The following VPS53 variants were observed in gnomAD, a reference collection of about 807,000 sequenced individuals.
The protein encoded by VPS53 is VPS53 subunit of GARP complex.
Under a neutral mutation model 107.0 loss-of-function variants are expected in VPS53, and 70 were observed. The observed-to-expected ratio is 0.65, with a 90% CI of 0.54 to 0.80. VPS53 has a LOEUF of 0.80. VPS53 is among the 30% of genes least tolerant of loss of function. The pLI is 0.00. For missense variants in VPS53, 917 were observed against 1,049.4 expected (o/e 0.87, Z 1.74); for synonymous variants, 409 against 393.3 (o/e 1.04, Z -0.47).
intron 4 of VPS53, among the ~76,000 whole-genome samples, chr17:668,884 A>C (rs1971816417): frequency 1.3e-5 from 2 of 152,186 alleles, no homozygotes; most frequent in African/African-American, 4.8e-5. Flanking sequence ...TCTCTGCTGA[A>C]GGTATCGCTT....
Position 519,359 on chromosome 17 carries a change from C to A in VPS53, c.2329-61G>T, listed in dbSNP as rs1440667468. 2.1e-6 allele frequency: 3 copies of A among 1,424,648 alleles called. No individual in the cohort carries two copies. Among genetic ancestry groups the A allele is most frequent in the Non-Finnish European group, 2.8e-6 (3 of 1,084,140 alleles). The allele number at this position is 1,424,648 out of a possible 1,614,324, so 88.3% of individuals were successfully genotyped here. A position where few individuals can be genotyped will look rare whatever the true frequency, so the allele number is the denominator to read the frequency against. On this transcript the variant is annotated intron_variant, in intron 21 of 21. Transcript: ENST00000437048. The surrounding 1 kb of genome is among the most constrained non-coding windows in gnomAD (Gnocchi z 5.0). ...CTGGGCCAGAATGGCCCACGGGGGACAGCGCAGTATCTGGATATGGGGTCA... is the reference window on the plus strand; with the variant it reads ...CTGGGCCAGAATGGCCCACGGGGGAAAGCGCAGTATCTGGATATGGGGTCA...
At chr17:611,143 A>G (rs1002936260) in intron 11 of VPS53, among the ~76,000 whole-genome samples, 4 of 152,084 alleles carry the variant, frequency 2.6e-5, no homozygotes, top group Non-Finnish European at 4.4e-5. Flanking sequence ...CCTCCCGAGT[A>G]GCTGGGATTA....
intron 7 of VPS53, among the ~76,000 whole-genome samples, chr17:643,530 C>T (rs1970541811): frequency 1.9e-5 from 1 of 52,748 alleles, no homozygotes; most frequent in Admixed American, 2.0e-4. Context: ...CTGAGGACAA[C>T]ACTCATACTT....
chr17:593,007 T>C, intron 12 of VPS53, among the ~76,000 whole-genome samples: 1 of 151,508 alleles, frequency 6.6e-6, no homozygotes, highest in Non-Finnish European at 1.5e-5. Context: ...TAATGCCGCA[T>C]ATCTACAACT....
At chr17:522,404 T>C (rs1259154786) in intron 19 of VPS53, among the ~76,000 whole-genome samples, 1 of 152,190 alleles carries the variant, frequency 6.6e-6, no homozygotes, top group Non-Finnish European at 1.5e-5. Context: ...CAAATCAAGG[T>C]TTTTAAGTGC....
intron 10 of VPS53, among the ~76,000 whole-genome samples, chr17:624,188 G>C (rs1441014603): frequency 6.6e-6 from 1 of 152,010 alleles, no homozygotes; most frequent in East Asian, 1.9e-4. Flanking sequence ...CTGTATCTTT[G>C]AACAGTTTAA....
chr17:554,994 T>C (rs1912205313), intron 15 of VPS53, among the ~76,000 whole-genome samples: 3 of 152,224 alleles, frequency 2.0e-5, no homozygotes, highest in Admixed American at 2.0e-4. Flanking sequence ...GAGAGTTATT[T>C]AGTGAACAAA....
chr17:519,884 T>A lies in VPS53; in HGVS notation c.2270A>T (p.Tyr757Phe), dbSNP rs746296664. Residue 757 changes from tyrosine (Y) to phenylalanine (F), a missense_variant, in exon 21 of 22, where the codon TAC becomes TTC. Physicochemically the swap from Tyr to Phe is conservative, Grantham distance 22 (BLOSUM62 3). Transcript: ENST00000437048. This position sits in a 1 kb window ranked among gnomAD's most constrained non-coding sequence, Gnocchi z 5.0. ...HEPLVVFVDN[Y>F]IKLLTDCNTE... ...GTTGCAGTCTGTGAGAAGTTTGATG[T>A]AGTTGTCAACAAACACCACCAACGG... 1 of 1,551,700 alleles carries A rather than the reference T, an allele frequency of 6.4e-7. No homozygotes were observed. The highest frequency in any genetic ancestry group is 1.2e-5 in the South Asian group (1 of 84,062).
At position 561,023 on chromosome 17, in the gene VPS53, CAT is replaced by C. The variant is rs535317585; in HGVS notation, c.1557-452_1557-451del. On this transcript the variant is annotated intron_variant, in intron 14 of 21. Coordinates refer to ENST00000437048, the MANE Select transcript of VPS53 (RefSeq NM_001128159.3). ...GTTAAGAGAAGTCTGCACTGGAACTCATGTGTGTTTGTGGAGGAGGACATAAG... is the reference window on the plus strand; with the variant it reads ...GTTAAGAGAAGTCTGCACTGGAACTCGTGTGTTTGTGGAGGAGGACATAAG... 9.8e-4 allele frequency among the ~76,000 whole-genome samples: 150 copies of C among 152,320 alleles called. No individual in the cohort carries two copies. The Middle Eastern group carries it at 0.01, about 10-fold the overall frequency.
chr17:523,594 A>G (rs1908910689), intron 19 of VPS53, among the ~76,000 whole-genome samples: 1 of 152,226 alleles, frequency 6.6e-6, no homozygotes, highest in Non-Finnish European at 1.5e-5. Flanking sequence ...AATGGTAGAA[A>G]CATGGGGAAG....
At chr17:609,971 T>C (rs1404285096) in intron 11 of VPS53, among the ~76,000 whole-genome samples, 1 of 146,496 alleles carries the variant, frequency 6.8e-6, no homozygotes, top group Non-Finnish European at 1.5e-5. Context: ...ACTAAAAATA[T>C]AAAAAAAAAA....
intron 4 of VPS53, among the ~76,000 whole-genome samples, chr17:683,731 C>T (rs1456554402): frequency 6.6e-6 from 1 of 152,186 alleles, no homozygotes; most frequent in African/African-American, 2.4e-5. Context: ...GGTGTGGTGG[C>T]ACACGCCAAT....
chr17:526,503 C>T (rs1237044863), intron 19 of VPS53, among the ~76,000 whole-genome samples: 1 of 152,142 alleles, frequency 6.6e-6, no homozygotes, highest in Admixed American at 6.6e-5. Flanking sequence ...TCAGAAAAGG[C>T]GGGAATGAGC....
chr17:614,478 T>G (rs1405427877), intron 11 of VPS53, among the ~76,000 whole-genome samples: 1 of 152,188 alleles, frequency 6.6e-6, no homozygotes, highest in Non-Finnish European at 1.5e-5. Context: ...GAAACAGAAG[T>G]TAATCGTCCC....
At chr17:622,312 T>G (rs943788692) in intron 11 of VPS53, among the ~76,000 whole-genome samples, 3 of 152,172 alleles carry the variant, frequency 2.0e-5, no homozygotes, top group African/African-American at 7.2e-5. Context: ...GAATCGGGAT[T>G]AGACCACAAG....
chr17:591,593 G>T (rs1363550110), intron 12 of VPS53, among the ~76,000 whole-genome samples: 1 of 151,946 alleles, frequency 6.6e-6, no homozygotes, highest in East Asian at 1.9e-4. Context: ...TGTTCTCGTT[G>T]GTTTCAAAGA....
rs559680924 is a variant in VPS53 at position 689,702 on chromosome 17, G to C, written c.285+7716C>G. 8.5e-5 allele frequency among the ~76,000 whole-genome samples: 13 copies of C among 152,152 alleles called. No homozygotes were observed. In the South Asian group the frequency reaches 2.7e-3, roughly 32 times the overall value. On this transcript the variant is annotated intron_variant, in intron 4 of 21. Coordinates refer to ENST00000437048, the MANE Select transcript of VPS53 (RefSeq NM_001128159.3). ...TTGGCCAGGCTGGTCTTAAACTCCT[G>C]ATCTCAGGCGATCCGCCCACCTCCG...
intron 15 of VPS53, among the ~76,000 whole-genome samples, chr17:558,177 C>T (rs1912608753): frequency 6.6e-6 from 1 of 152,184 alleles, no homozygotes; most frequent in South Asian, 2.1e-4. Flanking sequence ...TCTATAAAAG[C>T]AAAATTTTGG....
intron 12 of VPS53, among the ~76,000 whole-genome samples, chr17:592,898 G>A (rs4968087): frequency 0.19 from 28,179 of 152,024 alleles, 2,912 homozygotes; most frequent in Admixed American, 0.3. Context: ...TATCTTTGTG[G>A]CGTTCTCTGT....
Sources: allele counts gnomAD v4.1 joint callset (sites outside exome capture counted in the v4.1 genomes callset), GRCh38; gene constraint gnomAD v4.1.1; non-coding constraint Gnocchi (gnomAD v3.1); transcripts MANE v1.5; gene names NCBI Gene and HGNC (gene_info 2026-07-23, HGNC 2026-07-21).